The following CTNNA2 variants were observed in gnomAD, a reference collection of about 807,000 sequenced individuals.
CTNNA2 encodes the protein catenin alpha 2.
In CTNNA2, 42 loss-of-function variants were observed where a neutral mutation model predicts 101.0. The ratio of observed to expected loss-of-function variants is 0.42; its 90% confidence interval spans 0.32 to 0.54. The LOEUF is 0.54. CTNNA2 is among the 20% of genes least tolerant of loss of function. The probability of loss-of-function intolerance (pLI) is 0.14; values close to 1 mark genes in which losing one functional copy is unlikely to be tolerated. For synonymous variants in CTNNA2, 450 were observed against 456.4 expected, an observed-to-expected ratio of 0.99 and a Z score of 0.18; for missense variants, 871 against 1,223.1, an observed-to-expected ratio of 0.71 and a Z score of 4.29.
intron 18 of CTNNA2, among the ~76,000 whole-genome samples, chr2:80,632,270 C>G (rs940004419): frequency 6.7e-6 from 1 of 150,232 alleles, no homozygotes; most frequent in African/African-American, 2.5e-5. Context: ...ATGACCCCCC[C>G]CACCCCAACA....
intron 3 of CTNNA2, among the ~76,000 whole-genome samples, chr2:79,782,993 T>G (rs1674568167): frequency 1.3e-5 from 2 of 152,144 alleles, no homozygotes; most frequent in Admixed American, 6.5e-5. Context: ...TCTGCCAGTT[T>G]TCCTCCCCCT....
chr2:80,549,640 T>C (rs183421840), intron 11 of CTNNA2, among the ~76,000 whole-genome samples: 118 of 152,308 alleles, frequency 7.7e-4, no homozygotes, highest in Non-Finnish European at 1.5e-3. Flanking sequence ...TAGGATACTT[T>C]TGCCTTTTAT....
rs542214214 is a variant in CTNNA2, at chr2:80,269,639, T to C, written c.1057-123572T>C. Reference sequence around the variant, plus strand: ...ATCCCAAGCCCAGCAGATTCAACTATGAATTTTTTTTCAATATCAGAAACA... The same window carrying C: ...ATCCCAAGCCCAGCAGATTCAACTACGAATTTTTTTTCAATATCAGAAACA... On this transcript the variant is annotated intron_variant, in intron 7 of 18. Transcript: ENST00000402739. Among the ~76,000 whole-genome samples, 3 of 152,286 alleles carry C rather than the reference T, an allele frequency of 2.0e-5. No individual in the cohort carries two copies. In the South Asian group the frequency reaches 6.2e-4, roughly 32 times the overall value.
At chr2:79,679,162 A>G (rs913732008) in intron 2 of CTNNA2, among the ~76,000 whole-genome samples, 3 of 152,248 alleles carry the variant, frequency 2.0e-5, no homozygotes, top group Admixed American at 6.5e-5. Context: ...ATTCACTGTA[A>G]TTTAGTTTTA....
chr2:80,109,863 G>A (rs778081023), intron 7 of CTNNA2, among the ~76,000 whole-genome samples: 7 of 150,828 alleles, frequency 4.6e-5, no homozygotes, highest in South Asian at 4.1e-4. Context: ...ACCAGTTCTC[G>A]TCATCTTAAA....
At chr2:79,389,097 T>C (rs1383191212) in intron 4 of CTNNA2, among the ~76,000 whole-genome samples, 4 of 152,230 alleles carry the variant, frequency 2.6e-5, no homozygotes, top group Non-Finnish European at 4.4e-5. Context: ...AACACCATTA[T>C]CTTTTAAAGA....
rs1030828808 is a variant in CTNNA2, at chr2:80,615,923, C to T, written c.2431-3162C>T. 2.6e-5 allele frequency among the ~76,000 whole-genome samples: 4 copies of T among 151,640 alleles called. No individual in the cohort carries two copies. In the East Asian group the frequency reaches 7.8e-4, roughly 30 times the overall value. On this transcript the variant is annotated intron_variant, in intron 17 of 18. Transcript: ENST00000402739. Reference sequence around the variant, plus strand: ...TACTCTATCTTAAATAGTAATTTTCCTTCTGGGCTATAAATATATCTCAAA... The same window carrying T: ...TACTCTATCTTAAATAGTAATTTTCTTTCTGGGCTATAAATATATCTCAAA...
chr2:79,227,772 A>G (rs1258884654), intron 2 of CTNNA2, among the ~76,000 whole-genome samples: 1 of 152,184 alleles, frequency 6.6e-6, no homozygotes, highest in African/African-American at 2.4e-5. Context: ...TTCAACTTTT[A>G]TTATAGATTA....
intron 4 of CTNNA2, among the ~76,000 whole-genome samples, chr2:79,376,790 A>C (rs12713985): frequency 0.76 from 114,862 of 151,980 alleles, 43,622 homozygotes; most frequent in South Asian, 0.83. Context: ...CCAGCTTCAT[A>C]CATGTCCCTA....
intron 3 of CTNNA2, among the ~76,000 whole-genome samples, chr2:79,760,139 G>T (rs1672685357): frequency 6.6e-6 from 1 of 152,026 alleles, no homozygotes; most frequent in African/African-American, 2.4e-5. Flanking sequence ...CTGTAAAATG[G>T]GAATAATAAT....
At position 80,545,045 on chromosome 2, in the gene CTNNA2, G is replaced by A; in HGVS notation, c.1354G>A (p.Ala452Thr). 6.2e-7 allele frequency: 1 copy of A among 1,613,998 alleles called. No individual in the cohort carries two copies. The change falls in exon 10 of 19, where the codon GCC becomes ACC. Residue 452 changes from alanine to threonine, a missense_variant. By Grantham distance (58) the Ala-to-Thr change is moderately conservative. Around this residue, in one of 5 missense-constraint regions of CTNNA2, gnomAD observed 647 missense variants for 831.5 expected, o/e 0.78. Transcript: ENST00000402739. ...AGGGGTGAAATTAGTTCGGATGGCA[G>A]CCACCCAGATTGACAGCCTGTGTCC... ...EEGVKLVRMA[A>T]TQIDSLCPQV...
Position 79,774,719 on chromosome 2 carries a change from A to G in CTNNA2, c.298+30137A>G, listed in dbSNP as rs146481387. Among the ~76,000 whole-genome samples, 430 of 152,244 alleles carry G rather than the reference A, an allele frequency of 2.8e-3. 4 individuals carry two copies. Among genetic ancestry groups the G allele is most frequent in the African/African-American group, 1.0e-2 (414 of 41,552 alleles). On this transcript the variant is annotated intron_variant, in intron 3 of 18. Transcript: ENST00000402739. ...AATATCCACAAAACAGGGTGGTAAG[A>G]TTATTTTTTGAAATGAGCCCCCAAA...
At chr2:80,405,834 G>A (rs2149386202) in intron 8 of CTNNA2, among the ~76,000 whole-genome samples, 1 of 152,208 alleles carries the variant, frequency 6.6e-6, no homozygotes, top group Middle Eastern at 3.4e-3. Flanking sequence ...TTTTCTCTTT[G>A]ATCCAACCAT....
chr2:79,215,916 T>C (rs1674250576), intron 2 of CTNNA2, among the ~76,000 whole-genome samples: 1 of 151,622 alleles, frequency 6.6e-6, no homozygotes, highest in South Asian at 2.1e-4. Context: ...GATGGGTCAG[T>C]AGAAAAGGAA....
chr2:79,769,897 T>G (rs1028522984), intron 3 of CTNNA2, among the ~76,000 whole-genome samples: 4 of 152,232 alleles, frequency 2.6e-5, no homozygotes, highest in Non-Finnish European at 5.9e-5. Context: ...CTGTGCTGTC[T>G]AGTGGGGTAT....
At chr2:80,214,111 C>T (rs1003069001) in intron 7 of CTNNA2, among the ~76,000 whole-genome samples, 1 of 152,122 alleles carries the variant, frequency 6.6e-6, no homozygotes, top group Admixed American at 6.5e-5. Flanking sequence ...TGTGTCTCTG[C>T]ACATGAGATG....
At position 80,303,393 on chromosome 2, in the gene CTNNA2, C is replaced by T; in HGVS notation, c.1057-89818C>T. On this transcript the variant is annotated intron_variant, in intron 7 of 18. Coordinates refer to ENST00000402739, the MANE Select transcript of CTNNA2 (RefSeq NM_001282597.3). The surrounding 1 kb of genome is among the most constrained non-coding windows in gnomAD (Gnocchi z 7.7). ...GCCTGCAGCTTGTTGTACGAGAGGT[C>T]CACGCTGCGCAGGTTGGGCATGGGC... 2 of 1,614,152 alleles carry T rather than the reference C, an allele frequency of 1.2e-6. No individual in the cohort carries two copies. The highest frequency in any genetic ancestry group is 8.5e-7 in the Non-Finnish European group (1 of 1,180,024).
At chr2:80,044,400 T>C (rs997443535) in intron 7 of CTNNA2, among the ~76,000 whole-genome samples, 1 of 152,080 alleles carries the variant, frequency 6.6e-6, no homozygotes, top group Non-Finnish European at 1.5e-5. Flanking sequence ...AATTAAATGC[T>C]AAATGCATCC....
chr2:79,898,301 G>GT (rs1286770473), intron 6 of CTNNA2, among the ~76,000 whole-genome samples: 199 of 151,204 alleles, frequency 1.3e-3, no homozygotes, highest in African/African-American at 4.4e-3. Flanking sequence ...GCCCAGGTAA[G>GT]TTTTTTTTTA....
Sources: gnomAD v4.1 joint callset for allele counts (sites outside exome capture counted in the v4.1 genomes callset) on GRCh38, gnomAD v4.1.1 for gene constraint, gnomAD v4.1.1 regional missense constraint, Gnocchi (gnomAD v3.1) non-coding constraint, MANE v1.5 for transcripts, NCBI Gene and HGNC (gene_info 2026-07-23, HGNC 2026-07-21) for gene names.